ANXA4: variants seen among roughly 807,000 people sequenced by gnomAD.
ANXA4 encodes 35-beta calcimedin.
Under a neutral mutation model 49.8 loss-of-function variants are expected in ANXA4, and 39 were observed. The observed-to-expected ratio is 0.78, with a 90% CI of 0.61 to 1.02. The LOEUF is 1.02. Among genes scored for constraint, ANXA4 ranks in the 50% least tolerant of loss-of-function variants. The pLI, the probability that ANXA4 is intolerant of heterozygous loss-of-function variation, is 0.00. For synonymous variants in ANXA4, 134 were observed against 152.5 expected (o/e 0.88, Z 0.89); for missense variants, 360 against 410.1 (o/e 0.88, Z 1.05).
chr2:69,711,623 TAAACTG>T (rs2105407935), intron 2 of ANXA4, among the ~76,000 whole-genome samples: 1 of 152,360 alleles, frequency 6.6e-6, no homozygotes, highest in East Asian at 1.9e-4. Flanking sequence ...CAAGAAGAAT[TAAACTG>T]AACACTTAAG....
intron 2 of ANXA4, among the ~76,000 whole-genome samples, chr2:69,655,055 A>T (rs566771834): frequency 1.3e-5 from 2 of 152,374 alleles, no homozygotes; most frequent in African/African-American, 4.8e-5. Flanking sequence ...TAAATGTAAG[A>T]CCTAAAACCA....
intron 2 of ANXA4, among the ~76,000 whole-genome samples, chr2:69,682,685 A>G (rs1677640972): frequency 6.6e-6 from 1 of 152,226 alleles, no homozygotes; most frequent in Admixed American, 6.5e-5. Flanking sequence ...ATGGAAAACT[A>G]TGAGGTCCTT....
chr2:69,790,883 TAAAAC>T (rs1309993244), intron 3 of ANXA4, among the ~76,000 whole-genome samples: 1 of 152,242 alleles, frequency 6.6e-6, no homozygotes, highest in Non-Finnish European at 1.5e-5. Flanking sequence ...TGATAAGTCT[TAAAAC>T]ATAATTTCTC....
intron 3 of ANXA4, among the ~76,000 whole-genome samples, chr2:69,731,366 G>C (rs1480638385): frequency 6.6e-6 from 1 of 152,202 alleles, no homozygotes; most frequent in African/African-American, 2.4e-5. Context: ...CACAAACTTA[G>C]CTCAAGCTGA....
At chr2:69,690,099 A>G (rs1361248148) in intron 2 of ANXA4, among the ~76,000 whole-genome samples, 1 of 152,216 alleles carries the variant, frequency 6.6e-6, no homozygotes, top group Non-Finnish European at 1.5e-5. Flanking sequence ...TGCCATGTGA[A>G]CTGTGCATAG....
chr2:69,752,512 A>G (rs1248449818), intron 1 of ANXA4, among the ~76,000 whole-genome samples: 3 of 152,190 alleles, frequency 2.0e-5, no homozygotes, highest in Non-Finnish European at 4.4e-5. Flanking sequence ...CATCTTCGAC[A>G]TGGTCTCCTT....
At chr2:69,764,984 G>T (rs1671441686) in intron 1 of ANXA4, among the ~76,000 whole-genome samples, 1 of 151,976 alleles carries the variant, frequency 6.6e-6, no homozygotes, top group African/African-American at 2.4e-5. Context: ...GTGTCCTTAG[G>T]TTCATCAGTG....
intron 2 of ANXA4, among the ~76,000 whole-genome samples, chr2:69,782,637 G>A (rs2103670607): frequency 1.3e-5 from 2 of 152,316 alleles, no homozygotes; most frequent in African/African-American, 4.8e-5. Context: ...TTACAGGCAT[G>A]AGCCACTGTG....
intron 2 of ANXA4, among the ~76,000 whole-genome samples, chr2:69,654,755 C>T (rs185876709): frequency 6.2e-4 from 95 of 152,226 alleles, no homozygotes; most frequent in East Asian, 1.5e-3. Flanking sequence ...CTGGAGGCAT[C>T]GCACTACCTG....
intron 1 of ANXA4, among the ~76,000 whole-genome samples, chr2:69,746,008 G>A (rs1670597182): frequency 6.6e-6 from 1 of 151,432 alleles, no homozygotes; most frequent in Non-Finnish European, 1.5e-5. Flanking sequence ...TCTTTTGTTT[G>A]TTTATTTGTT....
At chr2:69,705,078 G>A (rs1678445161) in intron 2 of ANXA4, among the ~76,000 whole-genome samples, 2 of 152,030 alleles carry the variant, frequency 1.3e-5, no homozygotes, top group Admixed American at 1.3e-4. Flanking sequence ...TGGAGGCCAG[G>A]AATTTGAGAC....
intron 2 of ANXA4, among the ~76,000 whole-genome samples, chr2:69,707,038 GA>G (rs1399743175): frequency 1.3e-5 from 2 of 152,170 alleles, no homozygotes; most frequent in Non-Finnish European, 2.9e-5. Context: ...TAAATTGCTA[GA>G]TTCGATTTGC....
intron 2 of ANXA4, among the ~76,000 whole-genome samples, chr2:69,708,299 A>G (rs1271159110): frequency 1.3e-5 from 2 of 152,116 alleles, no homozygotes; most frequent in Non-Finnish European, 2.9e-5. Flanking sequence ...GATCGCAATG[A>G]GCTCCTTTTC....
In ANXA4 at chr2:69,820,761, G is replaced by T. The variant is rs749336980; in HGVS notation, c.846G>T (p.Met282Ile). The T allele has an allele frequency of 2.5e-6, 4 of 1,614,138 alleles. No individual in the cohort carries two copies. The highest frequency in any genetic ancestry group is 2.7e-5 in the African/African-American group (2 of 75,044). Reference sequence around the variant, plus strand: ...TGGTTTCTCGAGCAGAAATTGACATGTTGGATATCCGGGCACACTTCAAGA... The same window carrying T: ...TGGTTTCTCGAGCAGAAATTGACATTTTGGATATCCGGGCACACTTCAAGA... ...RVMVSRAEID[M>I]LDIRAHFKRL... is the part of the protein sequence containing the mutation. Residue 282 changes from methionine to isoleucine, a missense_variant, in exon 12 of 13, where the codon ATG (methionine) becomes ATT (isoleucine). By Grantham distance (10) the Met-to-Ile change is conservative. Coordinates refer to ENST00000394295, the MANE Select transcript of ANXA4 (RefSeq NM_001153.5).
At chr2:69,705,627 G>T (rs957472952) in intron 2 of ANXA4, among the ~76,000 whole-genome samples, 1 of 152,054 alleles carries the variant, frequency 6.6e-6, no homozygotes, top group Admixed American at 6.6e-5. Flanking sequence ...GTATTCTTAC[G>T]TGTCTTTTAA....
At chr2:69,779,908 G>T (rs768419007) in intron 1 of ANXA4, among the ~76,000 whole-genome samples, 4 of 152,160 alleles carry the variant, frequency 2.6e-5, no homozygotes, top group Non-Finnish European at 5.9e-5. Context: ...GGACTAGTTG[G>T]TTCTCCCCTT....
At chr2:69,793,213 C>T (rs980509021) in intron 3 of ANXA4, among the ~76,000 whole-genome samples, 12 of 148,986 alleles carry the variant, frequency 8.1e-5, no homozygotes, top group Non-Finnish European at 4.4e-5. Context: ...GATCGCACTA[C>T]TGCACTCCAG....
At chr2:69,689,827 A>G (rs962322480) in intron 2 of ANXA4, among the ~76,000 whole-genome samples, 2 of 152,232 alleles carry the variant, frequency 1.3e-5, no homozygotes, top group Non-Finnish European at 2.9e-5. Context: ...AACAGCAGGC[A>G]TATTCAGAGG....
At chr2:69,689,406 A>G (rs999908156) in intron 2 of ANXA4, among the ~76,000 whole-genome samples, 1 of 152,128 alleles carries the variant, frequency 6.6e-6, no homozygotes, top group Non-Finnish European at 1.5e-5. Context: ...ATTTCAAACA[A>G]GACTACGAGA....
Sources: gnomAD v4.1 joint callset for allele counts (sites outside exome capture counted in the v4.1 genomes callset) on GRCh38, gnomAD v4.1.1 for gene constraint, MANE v1.5 for transcripts, NCBI Gene and HGNC (gene_info 2026-07-23, HGNC 2026-07-21) for gene names.